The following ZKSCAN4 variants were observed in gnomAD, a reference collection of about 807,000 sequenced individuals.
ZKSCAN4 encodes the protein zinc finger protein with KRAB and SCAN domains 4.
ZKSCAN4 carries 23 observed loss-of-function variants against 30.8 expected under a neutral mutation model. The ratio of observed to expected loss-of-function variants is 0.75; its 90% CI spans 0.54 to 1.06. ZKSCAN4 has a LOEUF of 1.06. Ranked by LOEUF, ZKSCAN4 falls within the 50% of genes least tolerant of loss-of-function variation. ZKSCAN4 has a pLI of 0.00. For missense variants in ZKSCAN4, 556 were observed against 665.4 expected (o/e 0.84, Z 1.81); for synonymous variants, 208 against 252.5 (o/e 0.82, Z 1.67).
In ZKSCAN4 at chr6:28,249,929, A is replaced by G. The variant is rs534825704; in HGVS notation, c.424-95T>C. ...TCTAGGCACTGTTTCTACAAGCCTTATGATATTAACACAATTAATATAGAT... is the reference window on the plus strand; with the variant it reads ...TCTAGGCACTGTTTCTACAAGCCTTGTGATATTAACACAATTAATATAGAT... On this transcript the variant is annotated intron_variant, in intron 1 of 4. Coordinates refer to ENST00000377294, the MANE Select transcript of ZKSCAN4 (RefSeq NM_019110.5). The surrounding 1 kb of genome is among the most constrained non-coding windows in gnomAD (Gnocchi z 4.1). 1.0e-3 allele frequency: 1,404 copies of G among 1,389,808 alleles called. 1 individual carries two copies. The highest frequency in any genetic ancestry group is 1.3e-3 in the Middle Eastern group (7 of 5,510). 86.1% of individuals were successfully genotyped at this position (1,389,808 alleles called of 1,614,324 possible).
Position 28,245,658 on chromosome 6 carries a change from G to A in ZKSCAN4, c.1096C>T (p.His366Tyr), listed in dbSNP as rs769925966. Residue 366 changes from histidine (H) to tyrosine (Y), a missense_variant, in exon 5 of 5, where the codon CAT becomes TAT. Physicochemically the swap from His to Tyr is moderately conservative, Grantham distance 83. Around this residue, in one of 3 missense-constraint regions of ZKSCAN4, gnomAD observed 433 missense variants for 511.5 expected, o/e 0.85. Transcript: ENST00000377294. ...TTCTCACCAGTGTGGACTCTCTGATGAATGACAAGGGCAGAGCTCCCAATG... is the reference window on the plus strand; with the variant it reads ...TTCTCACCAGTGTGGACTCTCTGATAAATGACAAGGGCAGAGCTCCCAATG... ...TFIGSSALVI[H>Y]QRVHTGEKPY... The A allele has an allele frequency of 1.4e-5, 23 of 1,614,154 alleles. No individual in the cohort carries two copies. Among genetic ancestry groups the A allele is most frequent in the Non-Finnish European group, 1.9e-5 (22 of 1,180,034 alleles).
chr6:28,256,833 T>A (rs1055170368), upstream of ZKSCAN4, among the ~76,000 whole-genome samples: 3 of 152,250 alleles, frequency 2.0e-5, no homozygotes, highest in African/African-American at 7.2e-5. Flanking sequence ...GGCCTGTTTT[T>A]TAATGGTCTG....
chr6:28,249,622 G>A lies in ZKSCAN4; in HGVS notation c.571+65C>T. 2 of 1,555,604 alleles carry A rather than the reference G, an allele frequency of 1.3e-6. No homozygotes were observed. Among genetic ancestry groups the A allele is most frequent in the Non-Finnish European group, 1.7e-6 (2 of 1,143,652 alleles). On this transcript the variant is annotated intron_variant, in intron 2 of 4. Coordinates refer to ENST00000377294, the MANE Select transcript of ZKSCAN4 (RefSeq NM_019110.5). This position sits in a 1 kb window ranked among gnomAD's most constrained non-coding sequence, Gnocchi z 4.1. The stretch of plus-strand genomic sequence containing the variant: ...AAAGTAACTGTAAATGGATCTTTTA[G>A]GTGATCCTTAAATGAAATTGGATGA...
chr6:28,257,560 AAAAC>A, the ZKSCAN4 span, among the ~76,000 whole-genome samples: 493 of 152,384 alleles, frequency 3.2e-3, 3 homozygotes, highest in Non-Finnish European at 5.9e-3. Context: ...AAATTAAAAA[AAAAC>A]AGTTATCTCT....
intron 2 of ZKSCAN4, among the ~76,000 whole-genome samples, chr6:28,248,577 G>A (rs764586858): frequency 2.6e-5 from 4 of 151,840 alleles, no homozygotes; most frequent in African/African-American, 7.3e-5. Context: ...CCCTGTAATC[G>A]CAGCACTTTG....
chr6:28,245,621 C>T lies in ZKSCAN4; in HGVS notation c.1133G>A (p.Cys378Tyr). The T allele has an allele frequency of 6.2e-7, 1 of 1,614,178 alleles. No individual in the cohort carries two copies. The highest frequency in any genetic ancestry group is 8.5e-7 in the Non-Finnish European group (1 of 1,180,030). The part of the protein sequence containing the change: ...RVHTGEKPYE[C>Y]EECGKVFSHS... ...ACTGAAGACCTTACCACATTCTTCACACTCATATGGCTTCTCACCAGTGTG... is the reference window on the plus strand; with the variant it reads ...ACTGAAGACCTTACCACATTCTTCATACTCATATGGCTTCTCACCAGTGTG... The change falls in exon 5 of 5, where the codon TGT (cysteine) becomes TAT (tyrosine). Residue 378 changes from cysteine (C) to tyrosine (Y), a missense_variant. By Grantham distance (194) the Cys-to-Tyr change is radical. Around this residue, in one of 3 missense-constraint regions of ZKSCAN4, gnomAD observed 433 missense variants for 511.5 expected, o/e 0.85. Transcript: ENST00000377294.
chr6:28,259,182 C>T, the ZKSCAN4 span: 1 of 544,500 alleles, frequency 1.8e-6, no homozygotes, highest in South Asian at 2.9e-5. Context: ...ATCCTACCTA[C>T]TTCCCACAAG....
At position 28,245,639 on chromosome 6, in the gene ZKSCAN4, C is replaced by T; in HGVS notation, c.1115G>A (p.Gly372Asp). The change falls in exon 5 of 5, where the codon GGT becomes GAT. Residue 372 changes from glycine (G) to aspartate (D), a missense_variant. Transcript: ENST00000377294. ...TTCTTCACACTCATATGGCTTCTCA[C>T]CAGTGTGGACTCTCTGATGAATGAC... ...ALVIHQRVHT[G>D]EKPYECEECG... 5.0e-6 allele frequency: 8 copies of T among 1,614,178 alleles called. No homozygotes were observed. Among genetic ancestry groups the T allele is most frequent in the Non-Finnish European group, 6.8e-6 (8 of 1,180,034 alleles).
At chr6:28,247,130 CA>C in intron 3 of ZKSCAN4, 38 bp from the exon 4 acceptor site, 1 of 1,534,350 alleles carries the variant, frequency 6.5e-7, no homozygotes, top group Non-Finnish European at 8.8e-7. Context: ...TCCTCTTGCC[CA>C]AAATTACCCC....
In ZKSCAN4 at chr6:28,251,290, C is replaced by T. The variant is rs1760980701; in HGVS notation, c.423+268G>A. Among the ~76,000 whole-genome samples the T allele has an allele frequency of 6.6e-6, 1 of 152,150 alleles. No homozygotes were observed. The highest frequency in any genetic ancestry group is 1.5e-5 in the Non-Finnish European group (1 of 68,022). ...ATTATTTAGTGCAGTAATAAAAATC[C>T]ACATATATGACTTTAATACAAATTT... On this transcript the variant is annotated intron_variant, in intron 1 of 4. Coordinates refer to ENST00000377294, the MANE Select transcript of ZKSCAN4 (RefSeq NM_019110.5). This position sits in a 1 kb window ranked among gnomAD's most constrained non-coding sequence, Gnocchi z 4.5.
rs1760536408 is a variant in ZKSCAN4, at chr6:28,242,630, C to T, written c.*2486G>A. Among the ~76,000 whole-genome samples, 1 of 152,150 alleles carries T rather than the reference C, an allele frequency of 6.6e-6. No homozygotes were observed. The highest frequency in any genetic ancestry group is 1.5e-5 in the Non-Finnish European group (1 of 68,024). ...AACAGCTTGCACAGCTGGAAGCATC[C>T]TTTTCCTTCTCTGAATTTCTACAAG... On this transcript the variant is annotated 3_prime_UTR_variant, in exon 5 of 5. Coordinates refer to ENST00000377294, the MANE Select transcript of ZKSCAN4 (RefSeq NM_019110.5).
Position 28,251,403 on chromosome 6 carries a change from A to G in ZKSCAN4, c.423+155T>C. On this transcript the variant is annotated intron_variant, in intron 1 of 4. Transcript: ENST00000377294. The surrounding 1 kb of genome is among the most constrained non-coding windows in gnomAD (Gnocchi z 4.5). ...ATATATTTAAAAATATAATTCTGAGAAGGAGTCCAGGGACTTCACCTTACT... is the reference window on the plus strand; with the variant it reads ...ATATATTTAAAAATATAATTCTGAGGAGGAGTCCAGGGACTTCACCTTACT... The G allele has an allele frequency of 1.7e-6, 2 of 1,143,112 alleles. No individual in the cohort carries two copies. The highest frequency in any genetic ancestry group is 2.6e-6 in the Non-Finnish European group (2 of 779,982). The allele number at this position is 1,143,112 out of a possible 1,614,324, so 70.8% of individuals were successfully genotyped here. A position where few individuals can be genotyped will look rare whatever the true frequency, so the allele number is the denominator to read the frequency against.
At position 28,251,568 on chromosome 6, in the gene ZKSCAN4, G is replaced by C. The variant is rs1235197843; in HGVS notation, c.413C>G (p.Pro138Arg). Reference sequence around the variant, plus strand: ...ACCTGTTCTTTCTACCTGCGGCGCCGGCTCATCCAGCTGCCTCTCCAAATA... The same window carrying C: ...ACCTGTTCTTTCTACCTGCGGCGCCCGCTCATCCAGCTGCCTCTCCAAATA... ...LEYLERQLDE[P>R]APQVPVGDQG... The change falls in exon 1 of 5, where the codon CCG becomes CGG. Residue 138 changes from proline (P) to arginine (R), a missense_variant. Pro to Arg is a moderately radical substitution (Grantham distance 103). Around this residue, in one of 3 missense-constraint regions of ZKSCAN4, gnomAD observed 433 missense variants for 511.5 expected, o/e 0.85. Coordinates refer to ENST00000377294, the MANE Select transcript of ZKSCAN4 (RefSeq NM_019110.5). The surrounding 1 kb of genome is among the most constrained non-coding windows in gnomAD (Gnocchi z 4.5). The C allele has an allele frequency of 6.2e-7, 1 of 1,614,118 alleles. No homozygotes were observed. Among genetic ancestry groups the C allele is most frequent in the Admixed American group, 1.7e-5 (1 of 60,012 alleles).
rs982426123 is a variant in ZKSCAN4 at position 28,242,639 on chromosome 6, C to T, written c.*2477G>A. On this transcript the variant is annotated 3_prime_UTR_variant, in exon 5 of 5. Transcript: ENST00000377294. Reference sequence around the variant, plus strand: ...CACAGCTGGAAGCATCCTTTTCCTTCTCTGAATTTCTACAAGCCTCAGTTT... The same window carrying T: ...CACAGCTGGAAGCATCCTTTTCCTTTTCTGAATTTCTACAAGCCTCAGTTT... Among the ~76,000 whole-genome samples, 28 of 152,264 alleles carry T rather than the reference C, an allele frequency of 1.8e-4. No individual in the cohort carries two copies. The highest frequency in any genetic ancestry group is 1.2e-3 in the Admixed American group (19 of 15,282).
chr6:28,242,751 G>A lies in ZKSCAN4; in HGVS notation c.*2365C>T, dbSNP rs1054513750. Among the ~76,000 whole-genome samples, 2 of 144,498 alleles carry A rather than the reference G, an allele frequency of 1.4e-5. No individual in the cohort carries two copies. The highest frequency in any genetic ancestry group is 2.7e-5 in the African/African-American group (1 of 37,498). 94.8% of individuals were successfully genotyped at this position (144,498 alleles called of 152,430 possible). On this transcript the variant is annotated 3_prime_UTR_variant, in exon 5 of 5. Transcript: ENST00000377294. Reference sequence around the variant, plus strand: ...CTGTACTAAAGACCTAAGCCTAAGTGTGTATACACACACACACACACACAC... The same window carrying A: ...CTGTACTAAAGACCTAAGCCTAAGTATGTATACACACACACACACACACAC...
In ZKSCAN4 at chr6:28,251,575, C is replaced by T. The variant is rs749865139; in HGVS notation, c.406G>A (p.Asp136Asn). 4 of 1,614,184 alleles carry T rather than the reference C, an allele frequency of 2.5e-6. No individual in the cohort carries two copies. Among genetic ancestry groups the T allele is most frequent in the Non-Finnish European group, 3.4e-6 (4 of 1,180,032 alleles). ...CTTTCTACCTGCGGCGCCGGCTCATCCAGCTGCCTCTCCAAATACTCCAAT... is the reference window on the plus strand; with the variant it reads ...CTTTCTACCTGCGGCGCCGGCTCATTCAGCTGCCTCTCCAAATACTCCAAT... ...VLLEYLERQL[D>N]EPAPQVPVGD... Residue 136 changes from aspartate to asparagine, a missense_variant, in exon 1 of 5, where the codon GAT (aspartate) becomes AAT (asparagine). Around this residue, in one of 3 missense-constraint regions of ZKSCAN4, gnomAD observed 433 missense variants for 511.5 expected, o/e 0.85. Transcript: ENST00000377294. The surrounding 1 kb of genome is among the most constrained non-coding windows in gnomAD (Gnocchi z 4.5).
At position 28,251,867 on chromosome 6, in the gene ZKSCAN4, CTCCGCCGTCAA is replaced by C. The variant is rs1561862909; in HGVS notation, c.103_113del (p.Leu35GlyfsTer47). On this transcript the variant is annotated frameshift_variant, in exon 1 of 5. Transcript: ENST00000377294. LOFTEE classifies it high-confidence loss of function. This position sits in a 1 kb window ranked among gnomAD's most constrained non-coding sequence, Gnocchi z 4.5. ...GAGCAGGGCTGCAGGGTGCTCTCACCTCCGCCGTCAAGGCGGAGGCTTCCTCCTTCTCCACC... is the reference window on the plus strand; with the variant it reads ...GAGCAGGGCTGCAGGGTGCTCTCACCGGCGGAGGCTTCCTCCTTCTCCACC... 2 of 1,565,406 alleles carry C rather than the reference CTCCGCCGTCAA, an allele frequency of 1.3e-6. No individual in the cohort carries two copies. The highest frequency in any genetic ancestry group is 1.7e-6 in the Non-Finnish European group (2 of 1,160,224).
Position 28,249,626 on chromosome 6 carries a change from A to T in ZKSCAN4, c.571+61T>A. On this transcript the variant is annotated intron_variant, in intron 2 of 4. Transcript: ENST00000377294. The surrounding 1 kb of genome is among the most constrained non-coding windows in gnomAD (Gnocchi z 4.1). The stretch of plus-strand genomic sequence containing the variant: ...TAACTGTAAATGGATCTTTTAGGTG[A>T]TCCTTAAATGAAATTGGATGAAGTC... The T allele has an allele frequency of 6.4e-7, 1 of 1,565,098 alleles. No homozygotes were observed. Among genetic ancestry groups the T allele is most frequent in the East Asian group, 2.3e-5 (1 of 44,068 alleles).
In ZKSCAN4 at chr6:28,242,848, C is replaced by T. The variant is rs1041690560; in HGVS notation, c.*2268G>A. ...GAAAAGTACTTTTCTACAATATTTC[C>T]CTCCTCTACAGAGAAGACTTTTAGG... On this transcript the variant is annotated 3_prime_UTR_variant, in exon 5 of 5. Transcript: ENST00000377294. 3.3e-5 allele frequency among the ~76,000 whole-genome samples: 5 copies of T among 152,130 alleles called. No individual in the cohort carries two copies. The highest frequency in any genetic ancestry group is 7.3e-5 in the Non-Finnish European group (5 of 68,034).
Sources: allele counts gnomAD v4.1 joint callset (sites outside exome capture counted in the v4.1 genomes callset), GRCh38; gene constraint gnomAD v4.1.1; regional missense constraint gnomAD v4.1.1; non-coding constraint Gnocchi (gnomAD v3.1); transcripts MANE v1.5; gene names NCBI Gene and HGNC (gene_info 2026-07-23, HGNC 2026-07-21).